The following PPP2R5E variants were observed in gnomAD, a reference collection of about 807,000 sequenced individuals.
PPP2R5E encodes protein phosphatase 2 regulatory subunit B'epsilon.
PPP2R5E carries 4 observed loss-of-function variants against 65.3 expected under a neutral mutation model. The ratio of observed to expected loss-of-function variants is 0.06; its 90% confidence interval spans 0.03 to 0.14. The LOEUF (loss-of-function observed/expected upper bound fraction) is 0.14. Ranked by LOEUF, PPP2R5E falls within the 10% of genes least tolerant of loss-of-function variation. The pLI is 1.00. For synonymous variants in PPP2R5E, 183 were observed against 187.4 expected, an observed-to-expected ratio of 0.98 and a Z score of 0.19; for missense variants, 274 against 556.1, an observed-to-expected ratio of 0.49 and a Z score of 5.10.
intron 5 of PPP2R5E, among the ~76,000 whole-genome samples, chr14:63,407,227 G>A (rs1182427003): frequency 1.3e-5 from 2 of 152,174 alleles, no homozygotes; most frequent in South Asian, 2.1e-4. Context: ...GGCAGAGCCC[G>A]AATTCAAATC....
At chr14:63,453,647 G>T (rs1336866865) in intron 3 of PPP2R5E, 42 bp downstream of exon 3, 2 of 1,579,872 alleles carry the variant, frequency 1.3e-6, no homozygotes, top group Non-Finnish European at 8.7e-7. Flanking sequence ...AGTCACTATG[G>T]AAGATGCTTA....
chr14:63,414,570 A>C (rs1332640197), intron 5 of PPP2R5E, among the ~76,000 whole-genome samples: 2 of 152,200 alleles, frequency 1.3e-5, no homozygotes, highest in African/African-American at 2.4e-5. Flanking sequence ...CCATTGTTAT[A>C]ACATGCACAA....
intron 3 of PPP2R5E, among the ~76,000 whole-genome samples, chr14:63,441,558 T>C (rs776417481): frequency 3.6e-4 from 55 of 152,240 alleles, no homozygotes; most frequent in Middle Eastern, 3.2e-3. Context: ...TTAAACCATT[T>C]TTGAGTCACA....
chr14:63,472,109 G>A (rs1161480776), intron 2 of PPP2R5E, among the ~76,000 whole-genome samples: 1 of 152,122 alleles, frequency 6.6e-6, no homozygotes, highest in African/African-American at 2.4e-5. Context: ...AGGCCAACCT[G>A]GCCAACATGG....
At chr14:63,459,512 T>C (rs1175079473) in intron 2 of PPP2R5E, among the ~76,000 whole-genome samples, 1 of 152,132 alleles carries the variant, frequency 6.6e-6, no homozygotes, top group Non-Finnish European at 1.5e-5. Context: ...AACATGTTGA[T>C]TACACAGGAT....
chr14:63,511,944 T>C (rs1260319398), intron 2 of PPP2R5E, among the ~76,000 whole-genome samples: 1 of 151,782 alleles, frequency 6.6e-6, no homozygotes, highest in African/African-American at 2.4e-5. Context: ...CCGGGCGTGG[T>C]GGTGCACCCC....
chr14:63,396,818 G>T (rs1885421610), intron 5 of PPP2R5E, 102 bp from the exon 6 acceptor site: 1 of 1,417,858 alleles, frequency 7.1e-7, no homozygotes, highest in Non-Finnish European at 9.6e-7. Context: ...CAAAAAATGT[G>T]TTGAATATCT....
intron 3 of PPP2R5E, among the ~76,000 whole-genome samples, chr14:63,438,676 C>G (rs1416083996): frequency 6.6e-6 from 1 of 152,134 alleles, no homozygotes; most frequent in African/African-American, 2.4e-5. Flanking sequence ...CTCTGAACAA[C>G]CTTTAAAGCA....
At chr14:63,376,496 G>A (rs956414331) in intron 13 of PPP2R5E, among the ~76,000 whole-genome samples, 1 of 152,076 alleles carries the variant, frequency 6.6e-6, no homozygotes, top group African/African-American at 2.4e-5. Flanking sequence ...GAAAACTTGT[G>A]ATTTCACTTT....
intron 6 of PPP2R5E, 100 bp from the exon 7 acceptor site, chr14:63,395,385 G>T (rs1885269319): frequency 1.7e-6 from 1 of 583,560 alleles, no homozygotes. Context: ...AGGAGGAGGA[G>T]AAGAGGAGGA....
chr14:63,430,368 T>G (rs1887580555), intron 3 of PPP2R5E, among the ~76,000 whole-genome samples: 1 of 129,012 alleles, frequency 7.8e-6, no homozygotes, highest in Non-Finnish European at 1.5e-5. Flanking sequence ...CATACATACA[T>G]ACATGCATGC....
chr14:63,391,780 A>T, intron 10 of PPP2R5E, 37 bp downstream of exon 10: 2 of 1,598,654 alleles, frequency 1.3e-6, no homozygotes, highest in South Asian at 2.2e-5. Context: ...CAAAATATTC[A>T]GTAAGCTATG....
chr14:63,538,961 CA>C (rs2139776263), intron 2 of PPP2R5E, among the ~76,000 whole-genome samples: 1 of 152,058 alleles, frequency 6.6e-6, no homozygotes, highest in South Asian at 2.1e-4. Flanking sequence ...TAACAAATTT[CA>C]AAGAAAAGAT....
intron 10 of PPP2R5E, among the ~76,000 whole-genome samples, chr14:63,390,025 C>T (rs1001892303): frequency 4.6e-5 from 7 of 151,970 alleles, no homozygotes; most frequent in African/African-American, 1.2e-4. Context: ...AAACTGACCC[C>T]GTAGGGCCTT....
At chr14:63,378,860 C>T (rs1884143918) in intron 13 of PPP2R5E, among the ~76,000 whole-genome samples, 1 of 152,244 alleles carries the variant, frequency 6.6e-6, no homozygotes, top group Admixed American at 6.5e-5. Flanking sequence ...AACTTCTTGC[C>T]ATCCTGAAGT....
chr14:63,470,619 T>C (rs1890069078), intron 2 of PPP2R5E, among the ~76,000 whole-genome samples: 1 of 151,920 alleles, frequency 6.6e-6, no homozygotes, highest in African/African-American at 2.4e-5. Context: ...AATTGCATAA[T>C]TTTAATAGGA....
chr14:63,486,643 C>T (rs113085654), intron 2 of PPP2R5E, among the ~76,000 whole-genome samples: 3,377 of 152,134 alleles, frequency 0.022, 74 homozygotes, highest in African/African-American at 0.061. Context: ...TTCCCACCCT[C>T]CCATTTCCTT....
chr14:63,384,371 C>T (rs1884535634), intron 12 of PPP2R5E, 73 bp downstream of exon 12: 1 of 1,521,890 alleles, frequency 6.6e-7, no homozygotes, highest in Non-Finnish European at 9.1e-7. Flanking sequence ...CAGCATCTGG[C>T]ACATAATAAG....
intron 2 of PPP2R5E, among the ~76,000 whole-genome samples, chr14:63,515,052 C>A (rs1223024565): frequency 6.6e-6 from 1 of 152,154 alleles, no homozygotes; most frequent in Non-Finnish European, 1.5e-5. Flanking sequence ...TTCAGTCTCC[C>A]TAGCTTCCCA....
Sources: allele counts gnomAD v4.1 joint callset (sites outside exome capture counted in the v4.1 genomes callset), GRCh38; gene constraint gnomAD v4.1.1; transcripts MANE v1.5; gene names NCBI Gene and HGNC (gene_info 2026-07-23, HGNC 2026-07-21).